CELF6: variants seen among roughly 807,000 people sequenced by gnomAD.
CELF6 encodes the protein Bruno -like 6, RNA binding protein.
CELF6 carries 32 observed loss-of-function variants against 53.1 expected under a neutral mutation model. That is an observed-to-expected ratio of 0.60 (90% confidence interval 0.46 to 0.81). The LOEUF (loss-of-function observed/expected upper bound fraction) is 0.81, where lower values mean the gene tolerates loss of function less well. Ranked by LOEUF, CELF6 falls within the 30% of genes least tolerant of loss-of-function variation. The pLI is 0.00. For synonymous variants in CELF6, 291 were observed against 288.8 expected (o/e 1.01, Z -0.08); for missense variants, 539 against 669.5 (o/e 0.81, Z 2.15).
At chr15:72,286,945 A>C (rs901116411) in intron 12 of CELF6, among the ~76,000 whole-genome samples, 4 of 152,186 alleles carry the variant, frequency 2.6e-5, no homozygotes, top group Non-Finnish European at 4.4e-5. Flanking sequence ...CCCTCCCCGC[A>C]TACAGGTTCT....
intron 2 of CELF6, among the ~76,000 whole-genome samples, chr15:72,312,018 G>A (rs2088303827): frequency 6.6e-6 from 1 of 152,200 alleles, no homozygotes; most frequent in Admixed American, 6.5e-5. Flanking sequence ...AGCGTTTGAA[G>A]GGATGGCTTC....
At position 72,314,589 on chromosome 15, in the gene CELF6, G is replaced by GTTTTTTTTTTTTTTTT. The variant is rs984879836; in HGVS notation, c.345+1240_345+1255dup. ...AGGTCTGTGAGACTCAAAACCCAGT[G>GTTTTTTTTTTTTTTTT]TTTTTTTTTTTTTTTTTTTTTTTGA... On this transcript the variant is annotated intron_variant, in intron 2 of 12. Transcript: ENST00000287202. Among the ~76,000 whole-genome samples, 139 of 97,840 alleles carry GTTTTTTTTTTTTTTTT rather than the reference G, an allele frequency of 1.4e-3. 12 individuals carry two copies. The highest frequency in any genetic ancestry group is 4.7e-3 in the African/African-American group (97 of 20,714). The allele number at this position is 97,840 out of a possible 152,430, so 64.2% of individuals were successfully genotyped here.
In CELF6 at chr15:72,288,488, C is replaced by T; in HGVS notation, c.1175-37G>A. The T allele has an allele frequency of 3.1e-6, 5 of 1,614,022 alleles. No individual in the cohort carries two copies. The highest frequency in any genetic ancestry group is 4.2e-6 in the Non-Finnish European group (5 of 1,179,884). On this transcript the variant is annotated intron_variant, in intron 10 of 12. Coordinates refer to ENST00000287202, the MANE Select transcript of CELF6 (RefSeq NM_052840.5). This position sits in a 1 kb window ranked among gnomAD's most constrained non-coding sequence, Gnocchi z 4.6. Reference sequence around the variant, plus strand: ...GTAGCAAGCTGGTTCAGGGGAAGGACCCTGAGTCCAGCCCCACCAGGTTCT... The same window carrying T: ...GTAGCAAGCTGGTTCAGGGGAAGGATCCTGAGTCCAGCCCCACCAGGTTCT...
Position 72,288,702 on chromosome 15 carries a change from A to G in CELF6, c.1094-84T>C, listed in dbSNP as rs1217504629. ...CCAACTGCCTGGCCGCTTTTGACCA[A>G]TTCAGCCCAGTCCACCATAACCCTC... On this transcript the variant is annotated intron_variant, in intron 9 of 12. Coordinates refer to ENST00000287202, the MANE Select transcript of CELF6 (RefSeq NM_052840.5). The surrounding 1 kb of genome is among the most constrained non-coding windows in gnomAD (Gnocchi z 4.6). The G allele has an allele frequency of 1.4e-6, 2 of 1,436,980 alleles. No homozygotes were observed. The highest frequency in any genetic ancestry group is 1.9e-6 in the Non-Finnish European group (2 of 1,042,128). The allele number at this position is 1,436,980 out of a possible 1,614,324, so 89.0% of individuals were successfully genotyped here.
At position 72,288,730 on chromosome 15, in the gene CELF6, C is replaced by T. The variant is rs2087955280; in HGVS notation, c.1094-112G>A. 1.5e-6 allele frequency: 2 copies of T among 1,375,584 alleles called. No individual in the cohort carries two copies. Among genetic ancestry groups the T allele is most frequent in the Non-Finnish European group, 2.0e-6 (2 of 984,206 alleles). The allele number at this position is 1,375,584 out of a possible 1,614,324, so 85.2% of individuals were successfully genotyped here. A position where few individuals can be genotyped will look rare whatever the true frequency, so the allele number is the denominator to read the frequency against. On this transcript the variant is annotated intron_variant, in intron 9 of 12. Transcript: ENST00000287202. This position sits in a 1 kb window ranked among gnomAD's most constrained non-coding sequence, Gnocchi z 4.6. Reference sequence around the variant, plus strand: ...CAGCCCAGTCCACCATAACCCTCACCCCAAGAGAGGTCGTTCTGGGGGTAG... The same window carrying T: ...CAGCCCAGTCCACCATAACCCTCACTCCAAGAGAGGTCGTTCTGGGGGTAG...
At chr15:72,308,227 T>TG (rs956274154) in intron 2 of CELF6, among the ~76,000 whole-genome samples, 1 of 151,940 alleles carries the variant, frequency 6.6e-6, no homozygotes, top group African/African-American at 2.4e-5. Flanking sequence ...TATTGTTTTT[T>TG]TTTGTTTGTT....
At chr15:72,304,249 C>T (rs527849076) in intron 3 of CELF6, among the ~76,000 whole-genome samples, 6 of 152,252 alleles carry the variant, frequency 3.9e-5, no homozygotes, top group African/African-American at 1.2e-4. Context: ...TGGTCCTCAG[C>T]ATAGAGGACT....
intron 1 of CELF6, among the ~76,000 whole-genome samples, chr15:72,317,544 C>A (rs930726458): frequency 1.3e-5 from 2 of 152,214 alleles, no homozygotes; most frequent in Non-Finnish European, 2.9e-5. Context: ...AATGTCTTAA[C>A]TCCCAAGCTG....
rs1031088470 is a variant in CELF6, at chr15:72,286,084, G to A, written c.*287C>T. 2.0e-5 allele frequency: 3 copies of A among 152,622 alleles called. No individual in the cohort carries two copies. Among genetic ancestry groups the A allele is most frequent in the South Asian group, 2.1e-4 (1 of 4,828 alleles). The allele number at this position is 152,622 out of a possible 1,614,324, so 9.5% of individuals were successfully genotyped here. ...AGAAGTAAATCTGGGCTTCCCTTGC[G>A]GAGAAGCCCTTGGCACCCCCAACGC... On this transcript the variant is annotated 3_prime_UTR_variant, in exon 13 of 13. Coordinates refer to ENST00000287202, the MANE Select transcript of CELF6 (RefSeq NM_052840.5).
Position 72,289,850 on chromosome 15 carries a change from C to T in CELF6, c.604-80G>A, listed in dbSNP as rs2087981408. On this transcript the variant is annotated intron_variant, in intron 5 of 12. Transcript: ENST00000287202. The surrounding 1 kb of genome is among the most constrained non-coding windows in gnomAD (Gnocchi z 7.6). ...GGGCCGAGCGCCTTTCCCATCAGGT[C>T]CTTTCGCGGGGCACCGAGCACACTC... 2.7e-6 allele frequency: 4 copies of T among 1,497,604 alleles called. No homozygotes were observed. Among genetic ancestry groups the T allele is most frequent in the Non-Finnish European group, 3.6e-6 (4 of 1,126,530 alleles). 92.8% of individuals were successfully genotyped at this position (1,497,604 alleles called of 1,614,324 possible). A position where few individuals can be genotyped will look rare whatever the true frequency, so the allele number is the denominator to read the frequency against.
In CELF6 at chr15:72,285,479, AGCTCAGCCAAAG is replaced by A. The variant is rs1306181613; in HGVS notation, c.*880_*891del. The A allele has an allele frequency of 6.6e-6, 1 of 152,348 alleles. No individual in the cohort carries two copies. The highest frequency in any genetic ancestry group is 1.5e-5 in the Non-Finnish European group (1 of 68,112). The allele number at this position is 152,348 out of a possible 1,614,324, so 9.4% of individuals were successfully genotyped here. ...GGGGAAGGGAAACAGGAGGTGTCTC[AGCTCAGCCAAAG>A]GCAGGGCCTCTGTCTACCTGGATTG... On this transcript the variant is annotated 3_prime_UTR_variant, in exon 13 of 13. Coordinates refer to ENST00000287202, the MANE Select transcript of CELF6 (RefSeq NM_052840.5).
At chr15:72,300,137 T>C (rs1167431357) in intron 3 of CELF6, among the ~76,000 whole-genome samples, 1 of 152,092 alleles carries the variant, frequency 6.6e-6, no homozygotes, top group Non-Finnish European at 1.5e-5. Flanking sequence ...GGAGGATCAT[T>C]TGAAGCCAAG....
chr15:72,289,809 C>A lies in CELF6; in HGVS notation c.604-39G>T. 1 of 1,464,152 alleles carries A rather than the reference C, an allele frequency of 6.8e-7. No homozygotes were observed. The highest frequency in any genetic ancestry group is 9.0e-7 in the Non-Finnish European group (1 of 1,112,102). The allele number at this position is 1,464,152 out of a possible 1,614,324, so 90.7% of individuals were successfully genotyped here. A position where few individuals can be genotyped will look rare whatever the true frequency, so the allele number is the denominator to read the frequency against. ...GGGAGGCCGTGGTGACCGGTCCTGA[C>A]CCTGGCCCCGGCCCGGGGCCGAGCG... is the stretch of plus-strand genomic sequence containing the variant. On this transcript the variant is annotated intron_variant, in intron 5 of 12. Coordinates refer to ENST00000287202, the MANE Select transcript of CELF6 (RefSeq NM_052840.5). The surrounding 1 kb of genome is among the most constrained non-coding windows in gnomAD (Gnocchi z 7.6).
At chr15:72,291,819 C>T (rs1431452835) in intron 3 of CELF6, among the ~76,000 whole-genome samples, 6 of 152,104 alleles carry the variant, frequency 3.9e-5, no homozygotes, top group South Asian at 2.1e-4. Context: ...AAAATTCTGC[C>T]GTCTGTCCAG....
chr15:72,300,947 T>A, intron 3 of CELF6, among the ~76,000 whole-genome samples: 1 of 152,150 alleles, frequency 6.6e-6, no homozygotes, highest in East Asian at 1.9e-4. Flanking sequence ...GGTCTATTTT[T>A]AAAAATTGAA....
chr15:72,306,806 C>G (rs184935720), intron 2 of CELF6, among the ~76,000 whole-genome samples: 3 of 151,956 alleles, frequency 2.0e-5, no homozygotes, highest in Admixed American at 6.6e-5. Context: ...GGACAGGACC[C>G]GTCCCTGGGC....
chr15:72,294,628 AC>A (rs1451155592), intron 3 of CELF6, among the ~76,000 whole-genome samples: 2 of 152,242 alleles, frequency 1.3e-5, no homozygotes, highest in African/African-American at 4.8e-5. Flanking sequence ...AAATTGACAC[AC>A]AAAAAATCAG....
Position 72,289,006 on chromosome 15 carries a change from G to A in CELF6, c.1031-76C>T, listed in dbSNP as rs1166774057. 7 of 1,401,106 alleles carry A rather than the reference G, an allele frequency of 5.0e-6. No individual in the cohort carries two copies. The highest frequency in any genetic ancestry group is 1.4e-5 in the African/African-American group (1 of 69,864). The allele number at this position is 1,401,106 out of a possible 1,614,324, so 86.8% of individuals were successfully genotyped here. A position where few individuals can be genotyped will look rare whatever the true frequency, so the allele number is the denominator to read the frequency against. On this transcript the variant is annotated intron_variant, in intron 8 of 12. Transcript: ENST00000287202. This position sits in a 1 kb window ranked among gnomAD's most constrained non-coding sequence, Gnocchi z 7.6. ...AGTGGGTGAGAAGCTCAGGGAGTGTGGGAGGTGGACGGCGGCTGTGAGAGA... is the reference window on the plus strand; with the variant it reads ...AGTGGGTGAGAAGCTCAGGGAGTGTAGGAGGTGGACGGCGGCTGTGAGAGA...
In CELF6 at chr15:72,288,681, C is replaced by T; in HGVS notation, c.1094-63G>A. On this transcript the variant is annotated intron_variant, in intron 9 of 12. Transcript: ENST00000287202. The surrounding 1 kb of genome is among the most constrained non-coding windows in gnomAD (Gnocchi z 4.6). ...AGCCCTTCCCCAAGCAGGGCCCCAA[C>T]TGCCTGGCCGCTTTTGACCAATTCA... 2.7e-6 allele frequency: 4 copies of T among 1,492,404 alleles called. No homozygotes were observed. Among genetic ancestry groups the T allele is most frequent in the Non-Finnish European group, 3.7e-6 (4 of 1,095,090 alleles). The allele number at this position is 1,492,404 out of a possible 1,614,324, so 92.4% of individuals were successfully genotyped here. A position where few individuals can be genotyped will look rare whatever the true frequency, so the allele number is the denominator to read the frequency against.
Sources: gnomAD v4.1 joint callset for allele counts (sites outside exome capture counted in the v4.1 genomes callset) on GRCh38, gnomAD v4.1.1 for gene constraint, Gnocchi (gnomAD v3.1) non-coding constraint, MANE v1.5 for transcripts, NCBI Gene and HGNC (gene_info 2026-07-23, HGNC 2026-07-21) for gene names.